The following IGF2BP3 variants were observed in gnomAD, a reference collection of about 807,000 sequenced individuals.
The protein encoded by IGF2BP3 is insulin like growth factor 2 mRNA binding protein 3, also known as insulin-like growth factor 2 mRNA-binding protein 3.
In IGF2BP3, 9 loss-of-function variants were observed where a neutral mutation model predicts 73.8. The ratio of observed to expected loss-of-function variants is 0.12; its 90% CI spans 0.07 to 0.21. The LOEUF (loss-of-function observed/expected upper bound fraction) is 0.21, where lower values mean the gene tolerates loss of function less well. Among genes scored for constraint, IGF2BP3 ranks in the 10% least tolerant of loss-of-function variants. The pLI is 1.00. For synonymous variants in IGF2BP3, 258 were observed against 256.7 expected, an observed-to-expected ratio of 1.01 and a Z score of -0.05; for missense variants, 542 against 714.0, an observed-to-expected ratio of 0.76 and a Z score of 2.75.
chr7:23,462,489 G>A (rs1040237429), intron 2 of IGF2BP3, among the ~76,000 whole-genome samples: 4 of 151,990 alleles, frequency 2.6e-5, no homozygotes, highest in East Asian at 1.9e-4. Context: ...AGCCTACCGC[G>A]TAGCTGGGAC....
At chr7:23,371,307 T>C (rs1015409165) in intron 3 of IGF2BP3, among the ~76,000 whole-genome samples, 4 of 151,944 alleles carry the variant, frequency 2.6e-5, no homozygotes, top group Admixed American at 6.6e-5. Context: ...GCTAGGGATA[T>C]GGAGATGAAG....
intron 3 of IGF2BP3, among the ~76,000 whole-genome samples, chr7:23,386,929 T>C (rs1383831119): frequency 1.3e-5 from 2 of 151,802 alleles, no homozygotes; most frequent in African/African-American, 4.8e-5. Flanking sequence ...TAAACAGGCA[T>C]GGTGGCAAGT....
intron 11 of IGF2BP3, chr7:23,317,945 T>C (rs1391086674): frequency 1.8e-6 from 1 of 544,708 alleles, no homozygotes; most frequent in African/African-American, 1.9e-5. Context: ...ACGTGCTGTC[T>C]CTCAGCTAAT....
intron 3 of IGF2BP3, among the ~76,000 whole-genome samples, chr7:23,368,669 G>C (rs148134591): frequency 6.6e-6 from 1 of 152,032 alleles, no homozygotes; most frequent in African/African-American, 2.4e-5. Flanking sequence ...AGGCCAAAGC[G>C]GGCGGATCAC....
intron 3 of IGF2BP3, among the ~76,000 whole-genome samples, chr7:23,367,962 T>G (rs1205492231): frequency 1.3e-5 from 2 of 151,696 alleles, no homozygotes; most frequent in Non-Finnish European, 2.9e-5. Context: ...ATTGCACCAC[T>G]GCACTCCAGC....
chr7:23,324,125 T>C (rs180925387), intron 10 of IGF2BP3, among the ~76,000 whole-genome samples: 3,391 of 151,866 alleles, frequency 0.022, 133 homozygotes, highest in African/African-American at 0.077. Context: ...AATTAACGAA[T>C]CCAGGAGCTG....
At chr7:23,452,225 C>T (rs2128548866) in intron 2 of IGF2BP3, among the ~76,000 whole-genome samples, 1 of 151,972 alleles carries the variant, frequency 6.6e-6, no homozygotes, top group East Asian at 2.0e-4. Context: ...AGGATGGTCT[C>T]AATCTCCTAA....
At chr7:23,425,840 T>C (rs1787492559) in intron 2 of IGF2BP3, among the ~76,000 whole-genome samples, 2 of 152,058 alleles carry the variant, frequency 1.3e-5, no homozygotes, top group Non-Finnish European at 2.9e-5. Flanking sequence ...GGTGCATGCT[T>C]GTAGTCCCAG....
chr7:23,376,809 A>G (rs1325983106), intron 3 of IGF2BP3, among the ~76,000 whole-genome samples: 5 of 152,170 alleles, frequency 3.3e-5, no homozygotes, highest in African/African-American at 1.2e-4. Context: ...GGAGGCTGCA[A>G]TGAGCCAAGA....
intron 3 of IGF2BP3, among the ~76,000 whole-genome samples, chr7:23,362,341 G>C (rs1049701216): frequency 6.6e-6 from 1 of 152,142 alleles, no homozygotes; most frequent in African/African-American, 2.4e-5. Context: ...AGCTCGAATG[G>C]TTCTTACAAA....
intron 3 of IGF2BP3, among the ~76,000 whole-genome samples, chr7:23,400,827 C>T (rs1199749710): frequency 6.6e-6 from 1 of 152,136 alleles, no homozygotes; most frequent in African/African-American, 2.4e-5. Flanking sequence ...TGAGATGGAG[C>T]CTTGCTCTGT....
In IGF2BP3 at chr7:23,314,866, C is replaced by T. The variant is rs1228579462; in HGVS notation, c.1396-1213G>A. ...AGGCTGAAGTGCAATGGCATGGTTT[C>T]GGCTTACTGCAACCTCCGACCCCCG... On this transcript the variant is annotated intron_variant, in intron 12 of 14. Coordinates refer to ENST00000258729, the MANE Select transcript of IGF2BP3 (RefSeq NM_006547.3). Among the ~76,000 whole-genome samples the T allele has an allele frequency of 5.9e-5, 9 of 152,008 alleles. No individual in the cohort carries two copies. In the East Asian group the frequency reaches 1.2e-3, roughly 20 times the overall value.
intron 9 of IGF2BP3, among the ~76,000 whole-genome samples, chr7:23,342,425 G>C (rs751158007): frequency 1.4e-4 from 21 of 152,250 alleles, no homozygotes; most frequent in Admixed American, 3.3e-4. Flanking sequence ...GCTGCATTAA[G>C]ATATCTCAAG....
chr7:23,376,770 A>C (rs1332990061), intron 3 of IGF2BP3, among the ~76,000 whole-genome samples: 1 of 152,166 alleles, frequency 6.6e-6, no homozygotes, highest in Non-Finnish European at 1.5e-5. Flanking sequence ...CGACAGGCTG[A>C]GGCAGGAGGT....
At chr7:23,322,716 A>T (rs1168998086) in intron 10 of IGF2BP3, among the ~76,000 whole-genome samples, 3 of 152,148 alleles carry the variant, frequency 2.0e-5, no homozygotes, top group Non-Finnish European at 4.4e-5. Context: ...GACTAACAGC[A>T]GATCTCTCAG....
At chr7:23,368,652 C>T (rs889177642) in intron 3 of IGF2BP3, among the ~76,000 whole-genome samples, 2 of 152,122 alleles carry the variant, frequency 1.3e-5, no homozygotes, top group African/African-American at 2.4e-5. Flanking sequence ...AATCCCAGCA[C>T]TTTGGAAGGC....
At chr7:23,362,253 A>T (rs926388657) in intron 3 of IGF2BP3, among the ~76,000 whole-genome samples, 1 of 151,522 alleles carries the variant, frequency 6.6e-6, no homozygotes, top group African/African-American at 2.5e-5. Context: ...ATCTCTAAAA[A>T]ATAAAGTAAA....
chr7:23,437,102 G>C (rs1161561060), intron 2 of IGF2BP3, among the ~76,000 whole-genome samples: 1 of 151,696 alleles, frequency 6.6e-6, no homozygotes, highest in Non-Finnish European at 1.5e-5. Flanking sequence ...CTGGGCGATA[G>C]AGTCAGACCC....
chr7:23,451,154 A>AT (rs1182669480), intron 2 of IGF2BP3, among the ~76,000 whole-genome samples: 1 of 152,248 alleles, frequency 6.6e-6, no homozygotes, highest in African/African-American at 2.4e-5. Context: ...GCAGTGGCTC[A>AT]TACCTCTAAT....
Sources: gnomAD v4.1 joint callset for allele counts (sites outside exome capture counted in the v4.1 genomes callset) on GRCh38, gnomAD v4.1.1 for gene constraint, MANE v1.5 for transcripts, NCBI Gene and HGNC (gene_info 2026-07-23, HGNC 2026-07-21) for gene names.